The following IPO11 variants were observed in gnomAD, a reference collection of about 807,000 sequenced individuals.
IPO11 encodes the protein importin 11.
In IPO11, 66 loss-of-function variants were observed where a neutral mutation model predicts 143.2. The ratio of observed to expected loss-of-function variants is 0.46; its 90% confidence interval spans 0.38 to 0.57. The LOEUF is 0.57. IPO11 is among the 20% of genes least tolerant of loss of function. The pLI is 0.00. For synonymous variants in IPO11, 385 were observed against 377.8 expected (o/e 1.02, Z -0.22); for missense variants, 1,026 against 1,141.0 (o/e 0.90, Z 1.45).
At chr5:62,481,287 C>G (rs1746201745) in intron 9 of IPO11, among the ~76,000 whole-genome samples, 1 of 152,134 alleles carries the variant, frequency 6.6e-6, no homozygotes, top group African/African-American at 2.4e-5. Flanking sequence ...CCGGAACTTC[C>G]AACACTATGT....
In IPO11 at chr5:62,536,893, A is replaced by G. The variant is rs577130193; in HGVS notation, c.2169+112A>G. 5 of 1,130,376 alleles carry G rather than the reference A, an allele frequency of 4.4e-6. No individual in the cohort carries two copies. The South Asian group carries it at 9.5e-5, about 22-fold the overall frequency. The allele number at this position is 1,130,376 out of a possible 1,614,324, so 70.0% of individuals were successfully genotyped here. On this transcript the variant is annotated intron_variant, in intron 23 of 29. Transcript: ENST00000325324. ...TTTAAGATTGGTCTGTTATTTTAAG[A>G]CAGAGAAACATTGACTGTGAGCATT...
In IPO11 at chr5:62,513,531, G is replaced by A. The variant is rs1187124436; in HGVS notation, c.1783-1857G>A. 4.1e-5 allele frequency among the ~76,000 whole-genome samples: 6 copies of A among 145,916 alleles called. No homozygotes were observed. The East Asian group carries it at 8.5e-4, about 21-fold the overall frequency. On this transcript the variant is annotated intron_variant, in intron 19 of 29. Coordinates refer to ENST00000325324, the MANE Select transcript of IPO11 (RefSeq NM_016338.5). Reference sequence around the variant, plus strand: ...CACCTCCCGGACGGGGCGGCTGGCCGGGCGGGGGGCTGAGCCCCCCACCTC... The same window carrying A: ...CACCTCCCGGACGGGGCGGCTGGCCAGGCGGGGGGCTGAGCCCCCCACCTC...
chr5:62,485,639 G>C (rs1320358284), intron 12 of IPO11, among the ~76,000 whole-genome samples, 177 bp downstream of exon 12: 4 of 151,854 alleles, frequency 2.6e-5, no homozygotes, highest in Non-Finnish European at 5.9e-5. Context: ...AGAAATTCAA[G>C]ACCGGCCTGG....
chr5:62,470,892 G>A (rs1745749686), intron 7 of IPO11, among the ~76,000 whole-genome samples: 2 of 133,994 alleles, frequency 1.5e-5, no homozygotes, highest in South Asian at 4.7e-4. Flanking sequence ...CAGTGGTGCA[G>A]TCTTGGGTCT....
chr5:62,420,291 C>CAAAAAA (rs1187591087), intron 1 of IPO11, among the ~76,000 whole-genome samples: 1 of 68,942 alleles, frequency 1.5e-5, no homozygotes, highest in Non-Finnish European at 3.1e-5. Context: ...AGCTCCGTCT[C>CAAAAAA]AAAAAAAAAA....
chr5:62,452,856 C>G (rs1285312182), intron 5 of IPO11, among the ~76,000 whole-genome samples: 1 of 150,072 alleles, frequency 6.7e-6, no homozygotes, highest in African/African-American at 2.5e-5. Flanking sequence ...TGGCTCAAAC[C>G]ATCCTCCTAC....
At chr5:62,435,803 C>T (rs942119316) in intron 1 of IPO11, among the ~76,000 whole-genome samples, 4 of 151,456 alleles carry the variant, frequency 2.6e-5, no homozygotes, top group Non-Finnish European at 4.4e-5. Flanking sequence ...CTGAGGCAGG[C>T]GGATCACCTG....
chr5:62,457,432 T>G (rs187956512), intron 5 of IPO11, among the ~76,000 whole-genome samples: 1 of 152,240 alleles, frequency 6.6e-6, no homozygotes, highest in East Asian at 1.9e-4. Flanking sequence ...TGTAGTGATA[T>G]ATGATTGTAC....
chr5:62,623,203 C>T (rs1254908296), intron 29 of IPO11, among the ~76,000 whole-genome samples: 2 of 152,272 alleles, frequency 1.3e-5, no homozygotes, highest in African/African-American at 2.4e-5. Context: ...TTGAAGACCA[C>T]ATGGTTAAAT....
intron 22 of IPO11, among the ~76,000 whole-genome samples, chr5:62,535,017 ATATTTATTTATTTATT>A (rs70981023): frequency 7.0e-6 from 1 of 142,620 alleles, no homozygotes; most frequent in Non-Finnish European, 1.5e-5. Flanking sequence ...TATAATATTA[ATATTTATTTATTTATT>A]TATTTATTTA....
chr5:62,586,364 C>T (rs1744772228), intron 27 of IPO11, among the ~76,000 whole-genome samples: 2 of 152,102 alleles, frequency 1.3e-5, no homozygotes, highest in South Asian at 4.2e-4. Context: ...TCCCTTTGAT[C>T]ATGTAACACT....
intron 29 of IPO11, among the ~76,000 whole-genome samples, chr5:62,608,634 C>CT (rs1745817386): frequency 6.6e-6 from 1 of 152,164 alleles, no homozygotes; most frequent in Admixed American, 6.5e-5. Context: ...TTTCTCCCCA[C>CT]TGAGTTTTCT....
intron 20 of IPO11, among the ~76,000 whole-genome samples, chr5:62,523,415 G>T (rs1742264930): frequency 6.6e-6 from 1 of 152,274 alleles, no homozygotes; most frequent in South Asian, 2.1e-4. Context: ...ATCTCTTGAA[G>T]GTCAGAGGAA....
intron 29 of IPO11, among the ~76,000 whole-genome samples, chr5:62,625,520 G>A (rs1263458849): frequency 6.6e-6 from 1 of 152,212 alleles, no homozygotes; most frequent in Non-Finnish European, 1.5e-5. Flanking sequence ...TCTTGCTAAT[G>A]ACTGAAGCTT....
chr5:62,588,228 C>CTT (rs1246651088), intron 27 of IPO11, among the ~76,000 whole-genome samples: 2 of 145,034 alleles, frequency 1.4e-5, no homozygotes, highest in African/African-American at 2.5e-5. Context: ...TACCACTAAA[C>CTT]TTTTTTTTTT....
rs145900316 is a variant in IPO11 at position 62,538,958 on chromosome 5, G to A, written c.2250+1669G>A. On this transcript the variant is annotated intron_variant, in intron 24 of 29. Coordinates refer to ENST00000325324, the MANE Select transcript of IPO11 (RefSeq NM_016338.5). ...GTTAGGATTGTCTGCTGAGCATGGG[G>A]ATTTACATTTTAAAACTAACATTTA... Among the ~76,000 whole-genome samples the A allele has an allele frequency of 1.1e-4, 16 of 152,276 alleles. No homozygotes were observed. In the East Asian group the frequency reaches 2.9e-3, roughly 28 times the overall value.
At chr5:62,492,291 C>T (rs1245140743) in intron 15 of IPO11, among the ~76,000 whole-genome samples, 1 of 152,182 alleles carries the variant, frequency 6.6e-6, no homozygotes, top group East Asian at 1.9e-4. Context: ...TTACCTCACT[C>T]TACACAAGTT....
chr5:62,436,193 G>GTT (rs1744226575), intron 1 of IPO11, among the ~76,000 whole-genome samples: 1 of 152,116 alleles, frequency 6.6e-6, no homozygotes, highest in Non-Finnish European at 1.5e-5. Flanking sequence ...TCCCTAAAAG[G>GTT]TAATCTAGGT....
chr5:62,429,950 G>A (rs1006305030), intron 1 of IPO11, among the ~76,000 whole-genome samples: 1 of 152,008 alleles, frequency 6.6e-6, no homozygotes, highest in African/African-American at 2.4e-5. Flanking sequence ...GTAGAGATGG[G>A]TTTTCACCAT....
Sources: allele counts gnomAD v4.1 joint callset (sites outside exome capture counted in the v4.1 genomes callset), GRCh38; gene constraint gnomAD v4.1.1; transcripts MANE v1.5; gene names NCBI Gene and HGNC (gene_info 2026-07-23, HGNC 2026-07-21).